Variants in TJP1 observed in about 807,000 individuals in gnomAD.
TJP1 encodes the protein tight junction protein ZO-1.
TJP1 carries 43 observed loss-of-function variants against 194.2 expected under a neutral mutation model. The ratio of observed to expected loss-of-function variants is 0.22; its 90% CI spans 0.17 to 0.29. The LOEUF is 0.29. Ranked by LOEUF, TJP1 falls within the 10% of genes least tolerant of loss-of-function variation. The pLI is 1.00. For synonymous variants in TJP1, 801 were observed against 779.0 expected, an observed-to-expected ratio of 1.03 and a Z score of -0.47; for missense variants, 1,971 against 2,185.7, an observed-to-expected ratio of 0.90 and a Z score of 1.96.
At chr15:29,768,830 T>C (rs1335337321) in intron 4 of TJP1, among the ~76,000 whole-genome samples, 1 of 152,076 alleles carries the variant, frequency 6.6e-6, no homozygotes, top group South Asian at 2.1e-4. Context: ...GGAATCAAAA[T>C]ATTTAGGAAA....
At chr15:29,964,478 A>C (rs2056266949) in intron 1 of TJP1, among the ~76,000 whole-genome samples, 1 of 152,220 alleles carries the variant, frequency 6.6e-6, no homozygotes, top group Non-Finnish European at 1.5e-5. Context: ...TGAAGACAGA[A>C]GCAGAGAATG....
intron 17 of TJP1, 67 bp downstream of exon 17, chr15:29,726,714 C>A (rs1159396701): frequency 1.5e-5 from 22 of 1,444,870 alleles, no homozygotes; most frequent in Non-Finnish European, 1.9e-5. Context: ...AACACCGTAA[C>A]ATTTTGGCCT....
chr15:29,928,739 C>T (rs372755964), intron 2 of TJP1, among the ~76,000 whole-genome samples: 7 of 152,118 alleles, frequency 4.6e-5, no homozygotes, highest in East Asian at 1.9e-4. Context: ...GTCAGGAGAT[C>T]GAGACCATCC....
chr15:29,821,811 C>T (rs1433975260), intron 1 of TJP1, among the ~76,000 whole-genome samples, 191 bp downstream of exon 1: 1 of 146,694 alleles, frequency 6.8e-6, no homozygotes, highest in East Asian at 2.0e-4. Context: ...GTGCGGCCCG[C>T]GCCGCCCCCG....
chr15:29,949,041 T>G (rs1185045979), intron 2 of TJP1, among the ~76,000 whole-genome samples: 44 of 93,064 alleles, frequency 4.7e-4, no homozygotes, highest in Non-Finnish European at 8.1e-4. Context: ...CCCACCACCA[T>G]CACCTCCGCC....
At chr15:29,924,181 C>T (rs1220040058) in intron 2 of TJP1, among the ~76,000 whole-genome samples, 57 of 152,168 alleles carry the variant, frequency 3.7e-4, no homozygotes, top group Non-Finnish European at 1.5e-5. Context: ...CTCAAATGAT[C>T]CTCCCACCTC....
At chr15:29,801,220 C>G (rs931084403) in intron 1 of TJP1, among the ~76,000 whole-genome samples, 2 of 152,116 alleles carry the variant, frequency 1.3e-5, no homozygotes, top group African/African-American at 4.8e-5. Flanking sequence ...AGTTTTGCTA[C>G]AGAATTACTT....
chr15:29,811,183 T>C (rs2049473918), intron 1 of TJP1, among the ~76,000 whole-genome samples: 1 of 151,994 alleles, frequency 6.6e-6, no homozygotes, highest in Admixed American at 6.6e-5. Context: ...AGGGGCCAAA[T>C]AATCCACTAG....
At chr15:29,751,789 G>GT (rs1377766364) in intron 8 of TJP1, among the ~76,000 whole-genome samples, 5 of 152,264 alleles carry the variant, frequency 3.3e-5, no homozygotes, top group African/African-American at 1.2e-4. Context: ...CTGCAAATAA[G>GT]TTTTTTTGTA....
chr15:29,776,339 A>G (rs1486303777), intron 2 of TJP1, among the ~76,000 whole-genome samples: 3 of 152,194 alleles, frequency 2.0e-5, no homozygotes, highest in Non-Finnish European at 4.4e-5. Context: ...ACCGCTGAAG[A>G]GAAAACAAAG....
At chr15:29,912,177 A>G (rs1242472070) in intron 2 of TJP1, among the ~76,000 whole-genome samples, 2 of 152,210 alleles carry the variant, frequency 1.3e-5, no homozygotes, top group Non-Finnish European at 2.9e-5. Flanking sequence ...CCCCTTCTTC[A>G]TATGAGGGCA....
chr15:29,931,804 G>A (rs189477363), intron 2 of TJP1, among the ~76,000 whole-genome samples: 8 of 152,286 alleles, frequency 5.3e-5, no homozygotes, highest in Admixed American at 2.6e-4. Flanking sequence ...ATAAAAGAAC[G>A]GCTACTCTAT....
chr15:29,868,368 G>A (rs965379599), intron 2 of TJP1, among the ~76,000 whole-genome samples: 5 of 152,192 alleles, frequency 3.3e-5, no homozygotes, highest in African/African-American at 1.2e-4. Context: ...AGCTGAGGAG[G>A]CTTCTTTCCC....
intron 2 of TJP1, among the ~76,000 whole-genome samples, chr15:29,838,992 C>T (rs1442949069): frequency 1.2e-5 from 1 of 83,466 alleles, no homozygotes; most frequent in African/African-American, 5.0e-5. Context: ...AAAAATTCAC[C>T]TTTTTTTTTT....
chr15:29,895,389 G>A (rs1266639859), intron 2 of TJP1, among the ~76,000 whole-genome samples: 1 of 152,028 alleles, frequency 6.6e-6, no homozygotes, highest in Non-Finnish European at 1.5e-5. Flanking sequence ...CTATTTCATT[G>A]CTCATAAGTT....
Position 29,716,723 on chromosome 15 carries a change from G to A in TJP1, c.4090C>T (p.Arg1364Ter), listed in dbSNP as rs778836263. 1.9e-6 allele frequency: 3 copies of A among 1,613,960 alleles called. No individual in the cohort carries two copies. Among genetic ancestry groups the A allele is most frequent in the Non-Finnish European group, 2.5e-6 (3 of 1,179,992 alleles). ...YYRKQLSYFD[R>*]RSFENKPPAH... The stretch of plus-strand genomic sequence containing the variant: ...GGAGGCTTATTCTCAAAACTTCTTC[G>A]GTCAAAGTATGACAGCTGTTTTCGA... The change falls in exon 23 of 28, where the codon CGA becomes TGA. Residue 1364 changes from arginine (R) to a stop codon, truncating the protein, a stop_gained. Transcript: ENST00000614355. LOFTEE classifies it high-confidence loss of function.
chr15:29,816,985 CT>C (rs1393067747), intron 1 of TJP1, among the ~76,000 whole-genome samples: 3 of 152,324 alleles, frequency 2.0e-5, no homozygotes, highest in African/African-American at 7.2e-5. Flanking sequence ...TAAAGAGCTT[CT>C]GCACAGCAAA....
intron 2 of TJP1, among the ~76,000 whole-genome samples, chr15:29,941,528 A>G (rs1375058973): frequency 6.6e-6 from 1 of 152,146 alleles, no homozygotes; most frequent in Non-Finnish European, 1.5e-5. Context: ...GGGAACCACC[A>G]GCAGTTTCCT....
intron 25 of TJP1, among the ~76,000 whole-genome samples, chr15:29,707,492 C>T (rs1053402589): frequency 2.6e-5 from 4 of 152,150 alleles, no homozygotes; most frequent in Non-Finnish European, 2.9e-5. Context: ...AGGCAGTGAC[C>T]GCCATAACCA....
Sources: gnomAD v4.1 joint callset for allele counts (sites outside exome capture counted in the v4.1 genomes callset) on GRCh38, gnomAD v4.1.1 for gene constraint, MANE v1.5 for transcripts, NCBI Gene and HGNC (gene_info 2026-07-23, HGNC 2026-07-21) for gene names.